Variants in DACH2 observed in about 807,000 individuals in gnomAD.
The protein encoded by DACH2 is dachshund homolog 2.
Under a neutral mutation model 35.8 loss-of-function variants are expected in DACH2, and 17 were observed. The observed-to-expected ratio is 0.48, with a 90% CI of 0.33 to 0.71. The LOEUF (loss-of-function observed/expected upper bound fraction) is 0.71. Among genes scored for constraint, DACH2 ranks in the 30% least tolerant of loss-of-function variants. The pLI is 0.02. For synonymous variants in DACH2, 195 were observed against 177.3 expected (o/e 1.10, Z -0.79); for missense variants, 469 against 472.7 (o/e 0.99, Z 0.07).
intron 2 of DACH2, among the ~76,000 whole-genome samples, chrX:86,404,385 A>T (rs1346509216): frequency 8.9e-6 from 1 of 112,103 alleles, no homozygotes; most frequent in African/African-American, 3.2e-5. Context: ...TTGGGTAAAT[A>T]AACCCATTCC....
intron 2 of DACH2, among the ~76,000 whole-genome samples, chrX:86,474,517 A>AT (rs1255143360): frequency 9.0e-6 from 1 of 111,440 alleles, no homozygotes; most frequent in East Asian, 2.8e-4. Flanking sequence ...TATTTAATCT[A>AT]TTTTGATTTG....
At chrX:86,223,718 G>A (rs758408215) in intron 1 of DACH2, among the ~76,000 whole-genome samples, 2 of 111,953 alleles carry the variant, frequency 1.8e-5, no homozygotes, top group Admixed American at 9.5e-5. Flanking sequence ...CCGTTTTCAA[G>A]AGAAGGTCCA....
At chrX:86,545,577 TTAATG>T (rs1440346851) in intron 3 of DACH2, among the ~76,000 whole-genome samples, 6 of 111,908 alleles carry the variant, frequency 5.4e-5, no homozygotes, top group Non-Finnish European at 7.5e-5. Flanking sequence ...TTAAAATCAT[TTAATG>T]TAATGTCTCC....
chrX:86,315,875 T>C lies in DACH2; in HGVS notation c.489-60949T>C, dbSNP rs142897247. ...GAGGGAGATTGGAGCAGGAGTTTAATAGGCATAAGAAAAGAACCGCTCTCT... is the reference window on the plus strand; with the variant it reads ...GAGGGAGATTGGAGCAGGAGTTTAACAGGCATAAGAAAAGAACCGCTCTCT... On this transcript the variant is annotated intron_variant, in intron 1 of 11. Transcript: ENST00000373125. Among the ~76,000 whole-genome samples, 756 of 105,553 alleles carry C rather than the reference T, an allele frequency of 7.2e-3. 11 individuals carry two copies. The highest frequency in any genetic ancestry group is 0.025 in the African/African-American group (722 of 28,424). The allele number at this position is 105,553 out of a possible 115,157, so 91.7% of individuals were successfully genotyped here. A position where few individuals can be genotyped will look rare whatever the true frequency, so the allele number is the denominator to read the frequency against.
chrX:86,626,365 C>T (rs183369944), intron 3 of DACH2, among the ~76,000 whole-genome samples: 3 of 112,851 alleles, frequency 2.7e-5, no homozygotes, highest in African/African-American at 6.4e-5. Context: ...TATAGCCCCA[C>T]TCCTGGCTAC....
chrX:86,459,006 C>A (rs1194237705), intron 2 of DACH2, among the ~76,000 whole-genome samples: 1 of 110,594 alleles, frequency 9.0e-6, no homozygotes, highest in African/African-American at 3.3e-5. Context: ...TACCCCAGAA[C>A]TTAAAGTATA....
intron 3 of DACH2, among the ~76,000 whole-genome samples, chrX:86,622,847 T>A (rs1438859819): frequency 9.0e-6 from 1 of 111,551 alleles, no homozygotes; most frequent in Non-Finnish European, 1.9e-5. Flanking sequence ...TTTCATGATA[T>A]ATTAAAGACA....
At chrX:86,809,711 C>G (rs2042377447) in intron 7 of DACH2, among the ~76,000 whole-genome samples, 1 of 110,845 alleles carries the variant, frequency 9.0e-6, no homozygotes, top group South Asian at 3.8e-4. Flanking sequence ...TTTTCTAGGA[C>G]TAGGAAATTT....
chrX:86,804,414 A>G (rs1602970765), intron 7 of DACH2, among the ~76,000 whole-genome samples: 5 of 111,775 alleles, frequency 4.5e-5, no homozygotes, highest in Non-Finnish European at 9.4e-5. Flanking sequence ...ACCAGGCTGC[A>G]TCTCCAACAC....
At chrX:86,693,628 G>A (rs1013688556) in intron 4 of DACH2, among the ~76,000 whole-genome samples, 11 of 111,972 alleles carry the variant, frequency 9.8e-5, no homozygotes, top group African/African-American at 2.9e-4. Context: ...ATGCCAATTG[G>A]GCCTGAAGAC....
chrX:86,191,797 C>T (rs1420438299), intron 1 of DACH2, among the ~76,000 whole-genome samples: 2 of 110,006 alleles, frequency 1.8e-5, no homozygotes, highest in African/African-American at 3.3e-5. Context: ...AAAAATTAGC[C>T]GAACGTGGTA....
chrX:86,222,364 T>C (rs984023296), intron 1 of DACH2, among the ~76,000 whole-genome samples: 3 of 111,942 alleles, frequency 2.7e-5, no homozygotes, highest in African/African-American at 6.5e-5. Context: ...TCTGCACATA[T>C]ATTCCAGAAA....
At chrX:86,398,019 C>A (rs1228911573) in intron 2 of DACH2, among the ~76,000 whole-genome samples, 1 of 111,661 alleles carries the variant, frequency 9.0e-6, no homozygotes, top group Non-Finnish European at 1.9e-5. Context: ...CCATCTGGTC[C>A]TGGACTTTTT....
intron 1 of DACH2, among the ~76,000 whole-genome samples, chrX:86,363,413 C>T (rs1469512362): frequency 2.7e-5 from 3 of 111,358 alleles, no homozygotes; most frequent in African/African-American, 9.8e-5. Context: ...AAAGTTTTTA[C>T]TGAAATATTA....
intron 3 of DACH2, among the ~76,000 whole-genome samples, chrX:86,590,088 C>T (rs1229694611): frequency 9.0e-6 from 1 of 111,382 alleles, no homozygotes; most frequent in Non-Finnish European, 1.9e-5. Flanking sequence ...AAATTTAGTC[C>T]CCATTATACT....
At chrX:86,365,301 T>C in intron 1 of DACH2, among the ~76,000 whole-genome samples, 1 of 104,865 alleles carries the variant, frequency 9.5e-6, no homozygotes, top group African/African-American at 3.5e-5. Context: ...TTTAATTTGA[T>C]TGAGATCAAG....
intron 1 of DACH2, among the ~76,000 whole-genome samples, chrX:86,246,706 G>A (rs1022921741): frequency 8.0e-5 from 9 of 111,982 alleles, no homozygotes; most frequent in East Asian, 5.6e-4. Flanking sequence ...CAGCCACCAC[G>A]AAAACACACT....
At chrX:86,821,837 T>C (rs1435737435) in intron 11 of DACH2, among the ~76,000 whole-genome samples, 2 of 111,893 alleles carry the variant, frequency 1.8e-5, no homozygotes, top group African/African-American at 6.5e-5. Flanking sequence ...TACATGTTAA[T>C]TATATAACAG....
At chrX:86,407,690 G>A (rs1293662663) in intron 2 of DACH2, among the ~76,000 whole-genome samples, 2 of 111,993 alleles carry the variant, frequency 1.8e-5, no homozygotes, top group African/African-American at 6.5e-5. Flanking sequence ...ATTTTTTTAA[G>A]GCCTAGAGGC....
Sources: gnomAD v4.1 joint callset for allele counts (sites outside exome capture counted in the v4.1 genomes callset) on GRCh38, gnomAD v4.1.1 for gene constraint, MANE v1.5 for transcripts, NCBI Gene and HGNC (gene_info 2026-07-23, HGNC 2026-07-21) for gene names.